Variants in INTS4 observed in about 807,000 individuals in gnomAD.
INTS4 encodes integrator complex subunit 4, also known as MSTP093.
INTS4 carries 70 observed loss-of-function variants against 119.5 expected under a neutral mutation model. The observed-to-expected ratio is 0.59, with a 90% CI of 0.48 to 0.71. INTS4 has a LOEUF of 0.71. INTS4 is among the 30% of genes least tolerant of loss of function. The probability of loss-of-function intolerance (pLI) is 0.00; values close to 1 mark genes in which losing one functional copy is unlikely to be tolerated. For missense variants in INTS4, 867 were observed against 1,173.2 expected, an observed-to-expected ratio of 0.74 and a Z score of 3.81; for synonymous variants, 316 against 419.6, an observed-to-expected ratio of 0.75 and a Z score of 3.02.
At chr11:77,953,015 A>G (rs572052085) in intron 8 of INTS4, among the ~76,000 whole-genome samples, 4 of 152,378 alleles carry the variant, frequency 2.6e-5, no homozygotes, top group South Asian at 2.1e-4. Context: ...TAAAATATGA[A>G]TTCAGAAATA....
At position 77,907,079 on chromosome 11, in the gene INTS4, T is replaced by TTTTG. The variant is rs374666939; in HGVS notation, c.2016+634_2016+637dup. Among the ~76,000 whole-genome samples the TTTTG allele has an allele frequency of 1.3e-3, 203 of 152,246 alleles. 1 individual carries two copies. Among genetic ancestry groups the TTTTG allele is most frequent in the South Asian group, 0.012 (60 of 4,826 alleles). The stretch of plus-strand genomic sequence containing the variant: ...AACTTTGATGAAGTGCAGTGAGTTT[T>TTTTG]TTTGTTTGTTTGTTTGTTTGTTTTC... On this transcript the variant is annotated intron_variant, in intron 16 of 22. Transcript: ENST00000534064.
chr11:77,982,525 C>G (rs1856287174), intron 2 of INTS4, among the ~76,000 whole-genome samples: 1 of 151,942 alleles, frequency 6.6e-6, no homozygotes, highest in South Asian at 2.1e-4. Flanking sequence ...GTGCCTGGGC[C>G]CCAGCTGCAG....
intron 11 of INTS4, among the ~76,000 whole-genome samples, 188 bp downstream of exon 11, chr11:77,928,154 G>C (rs1184185744): frequency 7.2e-5 from 11 of 152,142 alleles, no homozygotes; most frequent in Non-Finnish European, 1.3e-4. Context: ...CTTGATCACA[G>C]AAAGACCAAG....
At chr11:77,972,871 T>G (rs1490141129) in intron 4 of INTS4, among the ~76,000 whole-genome samples, 1 of 151,498 alleles carries the variant, frequency 6.6e-6, no homozygotes, top group Non-Finnish European at 1.5e-5. Context: ...CTCATTCTGC[T>G]GCCCAGGCTT....
intron 1 of INTS4, among the ~76,000 whole-genome samples, chr11:77,993,615 A>G (rs1856785256): frequency 6.9e-6 from 1 of 145,966 alleles, no homozygotes; most frequent in Non-Finnish European, 1.5e-5. Flanking sequence ...AAAATTGTAA[A>G]TTTTATATTA....
At position 77,941,245 on chromosome 11, in the gene INTS4, T is replaced by C. The variant is rs1295468221; in HGVS notation, c.925A>G (p.Met309Val). 1.9e-6 allele frequency: 3 copies of C among 1,604,062 alleles called. No homozygotes were observed. The highest frequency in any genetic ancestry group is 1.8e-5 in the Admixed American group (1 of 56,896). Residue 309 changes from methionine (M) to valine (V), a missense_variant, in exon 9 of 23, where the codon ATG (methionine) becomes GTG (valine). Transcript: ENST00000534064. ...AAGAAATGAGAACTGACTTGCTCCA[T>C]AGAGCCCTATAAAAAGAAAAATCCA... ...RVQAAKLLGS[M>V]EQVSSHFLEQ...
Position 77,918,117 on chromosome 11 carries a change from C to G in INTS4, c.1922+704G>C, listed in dbSNP as rs368331961. ...ATTGTTAAGCAGAGGCTGCTTGATG[C>G]AGAAGATGAAGACAGAAGAAAGAAT... On this transcript the variant is annotated intron_variant, in intron 15 of 22. Coordinates refer to ENST00000534064, the MANE Select transcript of INTS4 (RefSeq NM_033547.4). 5.5e-4 allele frequency: 388 copies of G among 702,224 alleles called. 3 individuals are homozygous for G. The East Asian group carries it at 0.01, about 19-fold the overall frequency. The allele number at this position is 702,224 out of a possible 1,614,324, so 43.5% of individuals were successfully genotyped here.
chr11:77,966,916 G>A (rs1855526118), intron 4 of INTS4, among the ~76,000 whole-genome samples: 1 of 152,012 alleles, frequency 6.6e-6, no homozygotes, highest in Admixed American at 6.6e-5. Flanking sequence ...TGAATTTTAG[G>A]GAACTGTCAT....
rs556692137 is a variant in INTS4, at chr11:77,940,531, G to C, written c.990+649C>G. 1.2e-3 allele frequency among the ~76,000 whole-genome samples: 189 copies of C among 152,288 alleles called. 5 individuals are homozygous for C. The South Asian group carries it at 0.038, about 31-fold the overall frequency. The stretch of plus-strand genomic sequence containing the variant: ...CCATGGTAACTGCTGCTGAAAAGGA[G>C]TCCTAAAATGTCATACCATCTCACA... On this transcript the variant is annotated intron_variant, in intron 9 of 22. Transcript: ENST00000534064.
At chr11:77,959,280 C>T (rs1954406074) in intron 6 of INTS4, among the ~76,000 whole-genome samples, 1 of 152,184 alleles carries the variant, frequency 6.6e-6, no homozygotes, top group Non-Finnish European at 1.5e-5. Context: ...ATACTGATGG[C>T]TTTGAATACC....
chr11:77,955,221 C>T (rs1226241256), intron 8 of INTS4, among the ~76,000 whole-genome samples: 2 of 152,136 alleles, frequency 1.3e-5, no homozygotes, highest in African/African-American at 4.8e-5. Flanking sequence ...CCTGTAGTCC[C>T]AGCTACTCAG....
chr11:77,878,219 A>G (rs376618156), downstream of INTS4, among the ~76,000 whole-genome samples: 56 of 152,160 alleles, frequency 3.7e-4, no homozygotes, highest in Middle Eastern at 3.4e-3. Context: ...AAAATTAGCA[A>G]GGCGTGGTGA....
chr11:77,898,603 TAA>T (rs1226566741), intron 18 of INTS4, among the ~76,000 whole-genome samples: 7 of 152,258 alleles, frequency 4.6e-5, no homozygotes, highest in African/African-American at 1.7e-4. Flanking sequence ...TTTATGCTGA[TAA>T]ATATAAGTTC....
chr11:77,981,190 C>CAAAAAAAAAAAAAAAAAAAGA (rs1856201281), intron 3 of INTS4, among the ~76,000 whole-genome samples: 6 of 88,858 alleles, frequency 6.8e-5, no homozygotes, highest in Admixed American at 1.2e-4. Flanking sequence ...AACAAACAAG[C>CAAAAAAAAAAAAAAAAAAAGA]AAAAAAAAAA....
intron 16 of INTS4, 87 bp downstream of exon 16, chr11:77,907,630 T>C: frequency 1.1e-6 from 1 of 916,984 alleles, no homozygotes; most frequent in Non-Finnish European, 1.8e-6. Flanking sequence ...GACCATAAGT[T>C]TTATAACTTA....
chr11:77,937,177 C>T (rs1565257624), intron 10 of INTS4, among the ~76,000 whole-genome samples: 1 of 150,916 alleles, frequency 6.6e-6, no homozygotes, highest in Non-Finnish European at 1.5e-5. Flanking sequence ...CGCCACACCC[C>T]CCGAAAAAAA....
intron 16 of INTS4, among the ~76,000 whole-genome samples, chr11:77,904,201 A>G (rs1318707309): frequency 2.0e-5 from 3 of 152,180 alleles, no homozygotes; most frequent in Non-Finnish European, 4.4e-5. Context: ...CATCCCTTGC[A>G]CAAACTTCTG....
intron 2 of INTS4, among the ~76,000 whole-genome samples, chr11:77,984,123 G>C (rs1185667280): frequency 6.6e-6 from 1 of 152,082 alleles, no homozygotes; most frequent in Non-Finnish European, 1.5e-5. Flanking sequence ...AGTGAAAAAA[G>C]CCAGGCACAA....
At chr11:77,955,907 C>T (rs1289595519) in intron 8 of INTS4, 35 bp downstream of exon 8, 1 of 1,551,234 alleles carries the variant, frequency 6.4e-7, no homozygotes, top group Non-Finnish European at 8.8e-7. Flanking sequence ...TAAATATATA[C>T]ATGCATACAT....
Sources: allele counts gnomAD v4.1 joint callset (sites outside exome capture counted in the v4.1 genomes callset), GRCh38; gene constraint gnomAD v4.1.1; transcripts MANE v1.5; gene names NCBI Gene and HGNC (gene_info 2026-07-23, HGNC 2026-07-21).